Variants in ADAM18 observed in about 807,000 individuals in gnomAD.
ADAM18 encodes ADAM metallopeptidase domain 18, also known as disintegrin and metalloproteinase domain-containing protein 18.
Under a neutral mutation model 94.4 loss-of-function variants are expected in ADAM18, and 117 were observed. The ratio of observed to expected loss-of-function variants is 1.24; its 90% CI spans 1.07 to 1.45. The LOEUF is 1.45. Among genes scored for constraint, ADAM18 ranks in the 40% most tolerant of loss-of-function variants. The pLI is 0.00. For synonymous variants in ADAM18, 327 were observed against 291.6 expected (o/e 1.12, Z -1.24); for missense variants, 936 against 880.0 (o/e 1.06, Z -0.81).
chr8:39,729,309 C>T (rs1320480033), intron 19 of ADAM18, among the ~76,000 whole-genome samples: 1 of 152,042 alleles, frequency 6.6e-6, no homozygotes, highest in African/African-American at 2.4e-5. Flanking sequence ...CTGAACTGTA[C>T]ACTAAAAATG....
chr8:39,667,655 C>T (rs12334982), intron 13 of ADAM18, among the ~76,000 whole-genome samples: 10,534 of 152,062 alleles, frequency 0.069, 1,106 homozygotes, highest in African/African-American at 0.23. Flanking sequence ...CTGAGTTTCT[C>T]CAAGAACAAA....
Position 39,584,572 on chromosome 8 carries a change from CT to C in ADAM18, c.-50del. 1.9e-6 allele frequency: 3 copies of C among 1,604,388 alleles called. No individual in the cohort carries two copies. Among genetic ancestry groups the C allele is most frequent in the Non-Finnish European group, 2.6e-6 (3 of 1,176,468 alleles). On this transcript the variant is annotated 5_prime_UTR_variant, in exon 1 of 20. Transcript: ENST00000265707. ...CGAGAGCCTGCCCGCGAGCTCAACG[CT>C]GCTCAACGGTCTCTGTCCTTGGCTG... is the stretch of plus-strand genomic sequence containing the variant.
At chr8:39,686,116 G>A (rs536174019) in intron 16 of ADAM18, among the ~76,000 whole-genome samples, 4 of 152,224 alleles carry the variant, frequency 2.6e-5, no homozygotes, top group South Asian at 4.1e-4. Context: ...TCCACTTACA[G>A]CAATGCAGGC....
At chr8:39,718,205 C>T (rs889366134) in intron 18 of ADAM18, among the ~76,000 whole-genome samples, 1 of 151,472 alleles carries the variant, frequency 6.6e-6, no homozygotes, top group East Asian at 1.9e-4. Flanking sequence ...TCCAGCCATC[C>T]CACCAATGGA....
At chr8:39,656,927 C>T (rs892234798) in intron 12 of ADAM18, among the ~76,000 whole-genome samples, 3 of 152,186 alleles carry the variant, frequency 2.0e-5, no homozygotes, top group African/African-American at 7.2e-5. Context: ...CTATTAGGCA[C>T]TACTGTTGGT....
At chr8:39,652,341 CACTCAATAGCAGGAAA>C (rs1308684765) in intron 12 of ADAM18, among the ~76,000 whole-genome samples, 1 of 152,026 alleles carries the variant, frequency 6.6e-6, no homozygotes, top group African/African-American at 2.4e-5. Context: ...GAACTCCAAC[CACTCAATAGCAGGAAA>C]ACAATCCAGT....
intron 18 of ADAM18, among the ~76,000 whole-genome samples, chr8:39,708,805 G>T (rs1433015960): frequency 6.6e-6 from 1 of 152,228 alleles, no homozygotes. Flanking sequence ...CCTTGAAGGA[G>T]GGAGAACACA....
chr8:39,695,175 G>A (rs1038429600), intron 17 of ADAM18, among the ~76,000 whole-genome samples: 1 of 151,538 alleles, frequency 6.6e-6, no homozygotes, highest in East Asian at 1.9e-4. Flanking sequence ...GGGCAATTGT[G>A]AATAATGTTG....
chr8:39,668,070 A>G lies in ADAM18; in HGVS notation c.1399A>G (p.Thr467Ala). 1 of 1,614,086 alleles carries G rather than the reference A, an allele frequency of 6.2e-7. No homozygotes were observed. The highest frequency in any genetic ancestry group is 8.5e-7 in the Non-Finnish European group (1 of 1,179,996). ...TGATTTTACAGAGTACTGCAATGGA[A>G]CCTCTAGTAATTGTGTTCCTGACAC... is the stretch of plus-strand genomic sequence containing the variant. ...ECDFTEYCNGTSSNCVPDTYA... is the reference protein window; with the variant it reads ...ECDFTEYCNGASSNCVPDTYA... The change falls in exon 14 of 20, where the codon ACC becomes GCC. Residue 467 changes from threonine (T) to alanine (A), a missense_variant. Coordinates refer to ENST00000265707, the MANE Select transcript of ADAM18 (RefSeq NM_014237.3).
chr8:39,629,337 T>C (rs781260206), intron 6 of ADAM18, 37 bp from the exon 7 acceptor site: 29 of 1,475,174 alleles, frequency 2.0e-5, no homozygotes, highest in Admixed American at 7.7e-5. Flanking sequence ...TCAATACATG[T>C]TAACATTTTA....
At chr8:39,729,858 T>C in intron 19 of ADAM18, 40 bp from the exon 20 acceptor site, 1 of 1,565,282 alleles carries the variant, frequency 6.4e-7, no homozygotes, top group Admixed American at 1.7e-5. Context: ...CTACTAAACA[T>C]ATTGTGAATT....
rs576744179 is a variant in ADAM18 at position 39,590,607 on chromosome 8, A to T, written c.132+5255A>T. 3.6e-4 allele frequency among the ~76,000 whole-genome samples: 55 copies of T among 152,334 alleles called. No homozygotes were observed. The South Asian group carries it at 6.0e-3, about 17-fold the overall frequency. On this transcript the variant is annotated intron_variant, in intron 2 of 19. Coordinates refer to ENST00000265707, the MANE Select transcript of ADAM18 (RefSeq NM_014237.3). ...TAATAAAAAATAAAATAAAATAAAA[A>T]AAATAAAATGAATGCTATCATTCCT...
chr8:39,635,206 A>C (rs750778142), intron 7 of ADAM18, among the ~76,000 whole-genome samples: 1 of 152,176 alleles, frequency 6.6e-6, no homozygotes, highest in Non-Finnish European at 1.5e-5. Flanking sequence ...TCTCTTTTTT[A>C]TAATACCCAG....
chr8:39,691,576 A>G (rs1281651437), intron 16 of ADAM18, among the ~76,000 whole-genome samples: 1 of 152,072 alleles, frequency 6.6e-6, no homozygotes, highest in Non-Finnish European at 1.5e-5. Context: ...TATGGAATCA[A>G]CGTAATTGCT....
chr8:39,648,563 T>C, intron 12 of ADAM18, 36 bp downstream of exon 12: 1 of 1,553,964 alleles, frequency 6.4e-7, no homozygotes, highest in Non-Finnish European at 8.7e-7. Flanking sequence ...GCACAATTTT[T>C]ATGTTTCTGA....
At chr8:39,719,414 T>G (rs1475293893) in intron 18 of ADAM18, among the ~76,000 whole-genome samples, 1 of 151,362 alleles carries the variant, frequency 6.6e-6, no homozygotes, top group Non-Finnish European at 1.5e-5. Flanking sequence ...TGAGCGCAGA[T>G]TTTGTAGATA....
rs938118598 is a variant in ADAM18 at position 39,706,534 on chromosome 8, C to T, written c.1903-256C>T. 3.3e-5 allele frequency among the ~76,000 whole-genome samples: 5 copies of T among 151,938 alleles called. No homozygotes were observed. In the East Asian group the frequency reaches 5.8e-4, roughly 18 times the overall value. On this transcript the variant is annotated intron_variant, in intron 17 of 19. Transcript: ENST00000265707. ...TTTATTAAATCTTATTTTTTAAAGA[C>T]GATTGAAGAAGACATTAATGCTCAA...
chr8:39,720,131 G>T (rs1822706902), intron 18 of ADAM18, among the ~76,000 whole-genome samples: 1 of 151,358 alleles, frequency 6.6e-6, no homozygotes, highest in African/African-American at 2.4e-5. Context: ...ATAATAAAAA[G>T]AAATAAACTG....
At chr8:39,697,916 C>G (rs930734293) in intron 17 of ADAM18, among the ~76,000 whole-genome samples, 1 of 151,768 alleles carries the variant, frequency 6.6e-6, no homozygotes, top group Non-Finnish European at 1.5e-5. Flanking sequence ...ATGATTTGCT[C>G]AAGTGTAGTT....
Sources: allele counts gnomAD v4.1 joint callset (sites outside exome capture counted in the v4.1 genomes callset), GRCh38; gene constraint gnomAD v4.1.1; transcripts MANE v1.5; gene names NCBI Gene and HGNC (gene_info 2026-07-23, HGNC 2026-07-21).